The following GATAD2A variants were observed in gnomAD, a reference collection of about 807,000 sequenced individuals.
GATAD2A encodes the protein GATA zinc finger domain containing 2A, also known as transcriptional repressor p66-alpha.
A neutral mutation model predicts 68.5 loss-of-function variants in GATAD2A; 12 were observed. The observed-to-expected ratio is 0.18, with a 90% CI of 0.11 to 0.28. The LOEUF (loss-of-function observed/expected upper bound fraction) is 0.28, where lower values mean the gene tolerates loss of function less well. GATAD2A is among the 10% of genes least tolerant of loss of function. The pLI is 1.00. For synonymous variants in GATAD2A, 410 were observed against 375.3 expected (o/e 1.09, Z -1.07); for missense variants, 755 against 868.5 (o/e 0.87, Z 1.64).
At chr19:19,410,114 TCTCTC>T (rs2050745524) in intron 1 of GATAD2A, among the ~76,000 whole-genome samples, 2 of 152,150 alleles carry the variant, frequency 1.3e-5, no homozygotes, top group African/African-American at 4.8e-5. Context: ...ACCCCCTTTG[TCTCTC>T]CTCAGCCTCC....
At chr19:19,410,391 G>A (rs1269257895) in intron 1 of GATAD2A, among the ~76,000 whole-genome samples, 1 of 152,266 alleles carries the variant, frequency 6.6e-6, no homozygotes, top group East Asian at 1.9e-4. Context: ...CTTTCCTGCT[G>A]CTTGGCCTCA....
intron 1 of GATAD2A, among the ~76,000 whole-genome samples, chr19:19,444,766 G>A (rs2055509221): frequency 6.6e-6 from 1 of 150,980 alleles, no homozygotes; most frequent in Non-Finnish European, 1.5e-5. Flanking sequence ...AGCTACTCAG[G>A]AAGTTGAGGT....
At chr19:19,397,523 C>G (rs1035886618) in intron 1 of GATAD2A, among the ~76,000 whole-genome samples, 1 of 152,124 alleles carries the variant, frequency 6.6e-6, no homozygotes, top group African/African-American at 2.4e-5. Flanking sequence ...CCGTACCGGG[C>G]CTTAAATTGA....
At chr19:19,490,453 G>T (rs1224654659) in intron 2 of GATAD2A, among the ~76,000 whole-genome samples, 1 of 152,104 alleles carries the variant, frequency 6.6e-6, no homozygotes, top group East Asian at 1.9e-4. Flanking sequence ...CCTCAACCCT[G>T]CCGGGGTCTA....
chr19:19,493,445 C>T (rs921598188), intron 4 of GATAD2A, among the ~76,000 whole-genome samples: 5 of 152,254 alleles, frequency 3.3e-5, no homozygotes, highest in East Asian at 1.9e-4. Flanking sequence ...CCGTGGATCT[C>T]AGCCCCAACT....
chr19:19,461,724 G>A (rs188108722), intron 1 of GATAD2A, among the ~76,000 whole-genome samples: 7 of 152,334 alleles, frequency 4.6e-5, no homozygotes, highest in Admixed American at 1.3e-4. Flanking sequence ...AGAGGAGACC[G>A]ATGCCCACTC....
chr19:19,490,436 C>T (rs746460277), intron 2 of GATAD2A, among the ~76,000 whole-genome samples: 7 of 152,064 alleles, frequency 4.6e-5, no homozygotes, highest in East Asian at 3.9e-4. Flanking sequence ...TTCATCCTAG[C>T]GACTCTCCTC....
chr19:19,450,394 A>G (rs2056243732), intron 1 of GATAD2A, among the ~76,000 whole-genome samples: 1 of 152,162 alleles, frequency 6.6e-6, no homozygotes, highest in African/African-American at 2.4e-5. Context: ...AGTGCTGGGT[A>G]GGGAACACCT....
intron 1 of GATAD2A, among the ~76,000 whole-genome samples, chr19:19,398,902 T>C (rs1210947728): frequency 6.6e-6 from 1 of 151,816 alleles, no homozygotes; most frequent in Non-Finnish European, 1.5e-5. Context: ...CTACTAAAAC[T>C]ACAAAAATTA....
chr19:19,453,593 T>C (rs1169683491), intron 1 of GATAD2A, among the ~76,000 whole-genome samples: 1 of 152,082 alleles, frequency 6.6e-6, no homozygotes, highest in Non-Finnish European at 1.5e-5. Flanking sequence ...CCTCCTGGAT[T>C]CAAGCAGTCC....
intron 11 of GATAD2A, among the ~76,000 whole-genome samples, chr19:19,503,506 C>T (rs1175138157): frequency 6.6e-6 from 1 of 152,246 alleles, no homozygotes; most frequent in Non-Finnish European, 1.5e-5. Flanking sequence ...GCCAGACGTT[C>T]TGCTCAGCAG....
At chr19:19,438,072 A>G (rs1262787923) in intron 1 of GATAD2A, among the ~76,000 whole-genome samples, 9 of 152,192 alleles carry the variant, frequency 5.9e-5, no homozygotes, top group Non-Finnish European at 1.2e-4. Flanking sequence ...CTCTTTGGAG[A>G]CAAGTTCAGA....
chr19:19,479,156 C>T (rs570278607), intron 2 of GATAD2A, among the ~76,000 whole-genome samples: 2 of 152,258 alleles, frequency 1.3e-5, no homozygotes, highest in South Asian at 2.1e-4. Flanking sequence ...GGTGAGTTGG[C>T]CCTTAGACTC....
chr19:19,492,831 A>G, intron 4 of GATAD2A, 119 bp downstream of exon 4: 2 of 921,276 alleles, frequency 2.2e-6, no homozygotes, highest in Non-Finnish European at 3.3e-6. Context: ...GTATAGGGCA[A>G]GGTCCCACTC....
chr19:19,430,995 G>A (rs899961085), intron 1 of GATAD2A, among the ~76,000 whole-genome samples: 6 of 151,152 alleles, frequency 4.0e-5, no homozygotes, highest in Admixed American at 1.3e-4. Flanking sequence ...GTGTGTGTGT[G>A]TGTGTGTGTG....
chr19:19,469,722 G>T (rs887636547), intron 2 of GATAD2A, among the ~76,000 whole-genome samples: 1 of 152,164 alleles, frequency 6.6e-6, no homozygotes, highest in Non-Finnish European at 1.5e-5. Context: ...CAAAGTGGGC[G>T]GATCACAAGG....
intron 1 of GATAD2A, among the ~76,000 whole-genome samples, chr19:19,442,050 G>A (rs2055156679): frequency 6.6e-6 from 1 of 150,748 alleles, no homozygotes; most frequent in South Asian, 2.1e-4. Context: ...TAGTAGAGAT[G>A]GAGTTTCTCC....
chr19:19,452,750 T>C (rs1245060060), intron 1 of GATAD2A, among the ~76,000 whole-genome samples: 2 of 151,926 alleles, frequency 1.3e-5, no homozygotes, highest in African/African-American at 4.8e-5. Context: ...CACAGTAACT[T>C]TGTTTTCGGA....
rs140834376 is a variant in GATAD2A at position 19,432,815 on chromosome 19, G to A, written c.-7+26796G>A. Among the ~76,000 whole-genome samples, 784 of 152,362 alleles carry A rather than the reference G, an allele frequency of 5.1e-3. 4 individuals carry two copies. The highest frequency in any genetic ancestry group is 0.041 in the South Asian group (198 of 4,830). On this transcript the variant is annotated intron_variant, in intron 1 of 11. Coordinates refer to ENST00000683918, the MANE Select transcript of GATAD2A (RefSeq NM_001384528.1). ...GATGGGATGCTTGGGTCTGCAGGCA[G>A]TGTGTGGGCCTCTGGGGTTAGGAGA...
Sources: gnomAD v4.1 joint callset for allele counts (sites outside exome capture counted in the v4.1 genomes callset) on GRCh38, gnomAD v4.1.1 for gene constraint, MANE v1.5 for transcripts, NCBI Gene and HGNC (gene_info 2026-07-23, HGNC 2026-07-21) for gene names.